ENTPD4: variants seen among roughly 807,000 people sequenced by gnomAD.
ENTPD4 encodes the protein Golgi UDPase.
In ENTPD4, 60 loss-of-function variants were observed where a neutral mutation model predicts 79.1. That is an observed-to-expected ratio of 0.76 (90% confidence interval 0.62 to 0.94). The LOEUF is 0.94. Ranked by LOEUF, ENTPD4 falls within the 40% of genes least tolerant of loss-of-function variation. ENTPD4 has a pLI of 0.00. For missense variants in ENTPD4, 772 were observed against 775.1 expected, an observed-to-expected ratio of 1.00 and a Z score of 0.05; for synonymous variants, 276 against 292.0, an observed-to-expected ratio of 0.95 and a Z score of 0.56.
intron 6 of ENTPD4, among the ~76,000 whole-genome samples, chr8:23,442,815 A>AATAG (rs1800697525): frequency 1.3e-5 from 2 of 152,026 alleles, no homozygotes; most frequent in South Asian, 4.2e-4. Flanking sequence ...CATCTAATCC[A>AATAG]TCCCTGCCCC....
rs1800830213 is a variant in ENTPD4, at chr8:23,449,953, C to A, written c.-53G>T. The stretch of plus-strand genomic sequence containing the variant: ...TCTGGGATTCAGTCCTTCTCACAAA[C>A]AATTATAGAAATAATGCTGGGGTCC... On this transcript the variant is annotated 5_prime_UTR_variant, in exon 2 of 13. Transcript: ENST00000358689. 20 of 1,613,664 alleles carry A rather than the reference C, an allele frequency of 1.2e-5. No homozygotes were observed. The highest frequency in any genetic ancestry group is 1.6e-4 in the Middle Eastern group (1 of 6,062).
At chr8:23,440,573 A>G (rs1800650999) in intron 8 of ENTPD4, among the ~76,000 whole-genome samples, 1 of 152,192 alleles carries the variant, frequency 6.6e-6, no homozygotes, top group African/African-American at 2.4e-5. Context: ...TTTTTTACAA[A>G]GAGTGTAACA....
intron 9 of ENTPD4, among the ~76,000 whole-genome samples, chr8:23,438,915 G>T (rs556082902): frequency 3.3e-5 from 5 of 152,210 alleles, no homozygotes; most frequent in African/African-American, 1.2e-4. Flanking sequence ...GGTTTATTAA[G>T]ATTACATTAA....
chr8:23,443,882 G>C lies in ENTPD4; in HGVS notation c.635C>G (p.Ser212Cys), dbSNP rs1800716089. 1 of 1,613,230 alleles carries C rather than the reference G, an allele frequency of 6.2e-7. No individual in the cohort carries two copies. The highest frequency in any genetic ancestry group is 2.2e-5 in the East Asian group (1 of 44,858). Residue 212 changes from serine (S) to cysteine (C), a missense_variant, in exon 6 of 13, where the codon TCT becomes TGT. Physicochemically the swap from Ser to Cys is moderately radical, Grantham distance 112. Coordinates refer to ENST00000358689, the MANE Select transcript of ENTPD4 (RefSeq NM_004901.5). ...TTTCCCAGAAATTACTTCTGCATGA[G>C]AGTCAGAAAACAGAAAGTCAAAGTG... ...PVHFDFLFSD[S>C]HAEVISGKQE...
At position 23,432,942 on chromosome 8, in the gene ENTPD4, G is replaced by A. The variant is rs769054012; in HGVS notation, c.1835C>T (p.Ala612Val). The stretch of plus-strand genomic sequence containing the variant: ...TGAGCTGGATCACAAGGTCCCCGGG[G>A]CATTCTGGGCGGGAAGGCCCTCCTC... ...WMEEGLPAQN[A>V]PGTL is the part of the protein sequence containing the mutation. Residue 612 changes from alanine (A) to valine (V), a missense_variant, in exon 13 of 13, where the codon GCC (alanine) becomes GTC (valine). Coordinates refer to ENST00000358689, the MANE Select transcript of ENTPD4 (RefSeq NM_004901.5). The A allele has an allele frequency of 1.2e-6, 2 of 1,604,772 alleles. No individual in the cohort carries two copies. Among genetic ancestry groups the A allele is most frequent in the Admixed American group, 1.7e-5 (1 of 58,290 alleles).
At chr8:23,454,880 T>C (rs376524736) in intron 1 of ENTPD4, among the ~76,000 whole-genome samples, 10 of 152,242 alleles carry the variant, frequency 6.6e-5, no homozygotes, top group African/African-American at 1.9e-4. Context: ...AAGAGTTAAA[T>C]GGTAATTTGA....
chr8:23,435,465 T>C lies in ENTPD4; in HGVS notation c.1387A>G (p.Thr463Ala), dbSNP rs991064274. 2 of 1,613,672 alleles carry C rather than the reference T, an allele frequency of 1.2e-6. No individual in the cohort carries two copies. The highest frequency in any genetic ancestry group is 1.3e-5 in the African/African-American group (1 of 74,904). The change falls in exon 11 of 13, where the codon ACA becomes GCA. Residue 463 changes from threonine (T) to alanine (A), a missense_variant. Transcript: ENST00000358689. ...CGTTCCCGCAAAATGGACCACTTTG[T>C]TGCACAATAATCCTGAAAACAAATT... is the stretch of plus-strand genomic sequence containing the variant. The part of the protein sequence containing the change: ...FTKAAKDYCA[T>A]KWSILRERFD...
chr8:23,441,704 TTC>T lies in ENTPD4; in HGVS notation c.745_746del (p.Glu249SerfsTer2), dbSNP rs1800674264. The T allele has an allele frequency of 1.9e-6, 3 of 1,613,928 alleles. No homozygotes were observed. The highest frequency in any genetic ancestry group is 3.3e-5 in the Admixed American group (2 of 59,998). On this transcript the variant is annotated frameshift_variant, in exon 8 of 13. Transcript: ENST00000358689. LOFTEE classifies it high-confidence loss of function. ...TGCTTTCACTTCCAGGAATGTTAAC[TTC>T]CACAACGGCCTCATCATCTAGAAAG... ...HIEDDDEAVV[E>X]VNIPGSESSE...
At position 23,430,169 on chromosome 8, in the gene ENTPD4, C is replaced by T. The variant is rs532881463; in HGVS notation, c.*2757G>A. On this transcript the variant is annotated 3_prime_UTR_variant, in exon 13 of 13. Transcript: ENST00000358689. The stretch of plus-strand genomic sequence containing the variant: ...CACCCTGTATCTCTTAGAGAAAGCA[C>T]CTGGCTGTCTTCACCTACGCGAGAC... The T allele has an allele frequency of 2.0e-6, 2 of 985,350 alleles. No individual in the cohort carries two copies. The highest frequency in any genetic ancestry group is 1.1e-4 in the East Asian group (1 of 8,828). 61.0% of individuals were successfully genotyped at this position (985,350 alleles called of 1,614,324 possible).
At chr8:23,441,479 G>T (rs1800668648) in intron 8 of ENTPD4, 90 bp downstream of exon 8, 31 of 1,555,272 alleles carry the variant, frequency 2.0e-5, no homozygotes, top group Non-Finnish European at 2.6e-5. Context: ...CAGTAAAGAT[G>T]TGTTCAGACT....
At chr8:23,437,303 GT>G (rs1800584780) in intron 9 of ENTPD4, 45 bp from the exon 10 acceptor site, 1 of 1,454,356 alleles carries the variant, frequency 6.9e-7, no homozygotes, top group Non-Finnish European at 9.3e-7. Context: ...ACAGAAAACT[GT>G]GTTTTCAGGA....
At chr8:23,439,685 T>C in intron 9 of ENTPD4, 64 bp downstream of exon 9, 10 of 1,500,966 alleles carry the variant, frequency 6.7e-6, no homozygotes, top group Non-Finnish European at 9.2e-6. Context: ...TTTGCCTGGG[T>C]CTGTTTTTTA....
intron 6 of ENTPD4, among the ~76,000 whole-genome samples, chr8:23,442,445 T>G (rs1004668041): frequency 2.6e-5 from 4 of 152,158 alleles, no homozygotes; most frequent in African/African-American, 9.7e-5. Context: ...CAGCACTTTG[T>G]GAGGCCGAGG....
intron 9 of ENTPD4, among the ~76,000 whole-genome samples, chr8:23,437,847 C>G (rs1227927724): frequency 6.6e-6 from 1 of 152,180 alleles, no homozygotes; most frequent in Non-Finnish European, 1.5e-5. Flanking sequence ...GGGTGCAGTG[C>G]ATGCCAAAGA....
chr8:23,433,400 G>A (rs1213245641), intron 12 of ENTPD4, among the ~76,000 whole-genome samples: 3 of 152,192 alleles, frequency 2.0e-5, no homozygotes, highest in Admixed American at 1.3e-4. Flanking sequence ...GAATTTAGAA[G>A]AGCCGTGAAG....
At chr8:23,444,364 A>G in intron 5 of ENTPD4, 92 bp downstream of exon 5, 1 of 1,068,976 alleles carries the variant, frequency 9.4e-7, no homozygotes, top group South Asian at 1.5e-5. Context: ...GATGATGATG[A>G]TGATGGAGAG....
In ENTPD4 at chr8:23,432,837, A is replaced by G; in HGVS notation, c.*89T>C. On this transcript the variant is annotated 3_prime_UTR_variant, in exon 13 of 13. Transcript: ENST00000358689. ...GTTTGGAGGAACAAAAAAGGGAAAG[A>G]AAAAACAAAACCACAGGAAAATAAA... 2.7e-6 allele frequency: 4 copies of G among 1,454,992 alleles called. No homozygotes were observed. The highest frequency in any genetic ancestry group is 3.6e-6 in the Non-Finnish European group (4 of 1,102,522). 90.1% of individuals were successfully genotyped at this position (1,454,992 alleles called of 1,614,324 possible).
At chr8:23,435,029 C>A (rs1172121339) in intron 11 of ENTPD4, among the ~76,000 whole-genome samples, 1 of 152,152 alleles carries the variant, frequency 6.6e-6, no homozygotes, top group Non-Finnish European at 1.5e-5. Flanking sequence ...ATGATAAATG[C>A]ATTGGCGAGG....
rs756245715 is a variant in ENTPD4 at position 23,433,119 on chromosome 8, G to C, written c.1658C>G (p.Thr553Ser). The C allele has an allele frequency of 1.2e-6, 2 of 1,614,082 alleles. No homozygotes were observed. Among genetic ancestry groups the C allele is most frequent in the East Asian group, 2.2e-5 (1 of 44,880 alleles). The change falls in exon 13 of 13, where the codon ACC becomes AGC. Residue 553 changes from threonine (T) to serine (S), a missense_variant. Coordinates refer to ENST00000358689, the MANE Select transcript of ENTPD4 (RefSeq NM_004901.5). The stretch of plus-strand genomic sequence containing the variant: ...GACAAAGGAAACGCCCCGCCAGTGG[G>C]TGTGACTGGCTCGGAAGGCCTCCTG... ...IQQEAFRASH[T>S]HWRGVSFVYN...
Sources: gnomAD v4.1 joint callset for allele counts (sites outside exome capture counted in the v4.1 genomes callset) on GRCh38, gnomAD v4.1.1 for gene constraint, MANE v1.5 for transcripts, NCBI Gene and HGNC (gene_info 2026-07-23, HGNC 2026-07-21) for gene names.